The following CALN1 variants were observed in gnomAD, a reference collection of about 807,000 sequenced individuals.
CALN1 encodes calcium-binding protein 8.
Under a neutral mutation model 30.6 loss-of-function variants are expected in CALN1, and 17 were observed. The observed-to-expected ratio is 0.56, with a 90% CI of 0.38 to 0.83. The LOEUF (loss-of-function observed/expected upper bound fraction) is 0.83, where lower values mean the gene tolerates loss of function less well. Among genes scored for constraint, CALN1 ranks in the 40% least tolerant of loss-of-function variants. The pLI, the probability that CALN1 is intolerant of heterozygous loss-of-function variation, is 0.00. For synonymous variants in CALN1, 156 were observed against 131.4 expected, an observed-to-expected ratio of 1.19 and a Z score of -1.28; for missense variants, 291 against 354.9, an observed-to-expected ratio of 0.82 and a Z score of 1.45.
chr7:72,338,877 A>G (rs1802253288), intron 2 of CALN1, among the ~76,000 whole-genome samples: 1 of 151,954 alleles, frequency 6.6e-6, no homozygotes, highest in African/African-American at 2.4e-5. Context: ...GTGCTATCAA[A>G]TAATAGGTCT....
chr7:72,369,212 T>C (rs1804063798), intron 2 of CALN1, among the ~76,000 whole-genome samples: 1 of 151,540 alleles, frequency 6.6e-6, no homozygotes, highest in Admixed American at 6.6e-5. Context: ...GTTTTATACC[T>C]GTATACACCT....
intron 3 of CALN1, among the ~76,000 whole-genome samples, chr7:72,238,230 TAA>T (rs1364712649): frequency 6.6e-6 from 1 of 152,138 alleles, no homozygotes; most frequent in African/African-American, 2.4e-5. Flanking sequence ...ACATCAAAAT[TAA>T]GTTTTAATAT....
chr7:71,909,149 T>C (rs1794296074), intron 5 of CALN1, among the ~76,000 whole-genome samples: 1 of 152,166 alleles, frequency 6.6e-6, no homozygotes, highest in South Asian at 2.1e-4. Flanking sequence ...CCTGAGTAGC[T>C]GGGACAATAG....
intron 4 of CALN1, among the ~76,000 whole-genome samples, chr7:72,102,032 C>G (rs2129540845): frequency 6.6e-6 from 1 of 152,236 alleles, no homozygotes; most frequent in African/African-American, 2.4e-5. Flanking sequence ...TTTTTCAAAG[C>G]TTATTTTATT....
chr7:72,234,457 G>GT (rs1234065209), intron 3 of CALN1, among the ~76,000 whole-genome samples: 4 of 151,682 alleles, frequency 2.6e-5, no homozygotes, highest in Non-Finnish European at 5.9e-5. Context: ...TTGTTTTTTT[G>GT]TTTTTTTGAG....
intron 4 of CALN1, among the ~76,000 whole-genome samples, chr7:72,094,150 A>G (rs1039931842): frequency 6.6e-6 from 1 of 152,250 alleles, no homozygotes; most frequent in African/African-American, 2.4e-5. Flanking sequence ...GAATGAACAG[A>G]GAATTGCAAT....
intron 2 of CALN1, among the ~76,000 whole-genome samples, chr7:72,372,362 G>T (rs534577756): frequency 5.3e-5 from 8 of 152,062 alleles, no homozygotes; most frequent in Non-Finnish European, 8.8e-5. Context: ...TGTCTGCTTG[G>T]CCCCAACACA....
intron 2 of CALN1, among the ~76,000 whole-genome samples, chr7:72,335,222 T>C (rs1255651015): frequency 6.6e-6 from 1 of 152,172 alleles, no homozygotes; most frequent in East Asian, 1.9e-4. Context: ...GGAATGGGGC[T>C]TCTATGAAAA....
chr7:72,317,221 A>C, intron 2 of CALN1, among the ~76,000 whole-genome samples: 1 of 125,506 alleles, frequency 8.0e-6, no homozygotes, highest in Admixed American at 7.9e-5. Flanking sequence ...GGAAGAGAGA[A>C]AGAAAGAGAA....
intron 5 of CALN1, among the ~76,000 whole-genome samples, chr7:72,005,282 T>C (rs1027351298): frequency 2.0e-5 from 3 of 152,186 alleles, no homozygotes; most frequent in Non-Finnish European, 4.4e-5. Context: ...TTTCATACCA[T>C]GAAACAGTTC....
At chr7:72,376,019 T>C (rs571363278) in intron 2 of CALN1, among the ~76,000 whole-genome samples, 3 of 152,232 alleles carry the variant, frequency 2.0e-5, no homozygotes, top group Non-Finnish European at 4.4e-5. Flanking sequence ...CAGCCTTCTG[T>C]GTCCAGTTTC....
At chr7:72,442,668 C>T (rs987932432) in intron 1 of CALN1, among the ~76,000 whole-genome samples, 2 of 151,832 alleles carry the variant, frequency 1.3e-5, no homozygotes, top group Admixed American at 6.6e-5. Context: ...AAGGGTTGCA[C>T]TTATTTAAGA....
At chr7:72,282,720 T>A (rs1032537273) in intron 2 of CALN1, among the ~76,000 whole-genome samples, 3 of 152,180 alleles carry the variant, frequency 2.0e-5, no homozygotes, top group Non-Finnish European at 4.4e-5. Context: ...TAGTCTAAGG[T>A]ATTTGTTACA....
intron 4 of CALN1, among the ~76,000 whole-genome samples, chr7:72,067,960 C>A (rs1804137835): frequency 6.6e-6 from 1 of 152,218 alleles, no homozygotes; most frequent in Admixed American, 6.5e-5. Context: ...GTATCTGCTT[C>A]TGTGTGCTTT....
At chr7:72,082,114 G>A (rs1268635951) in intron 4 of CALN1, among the ~76,000 whole-genome samples, 1 of 152,094 alleles carries the variant, frequency 6.6e-6, no homozygotes, top group Non-Finnish European at 1.5e-5. Context: ...AGCCTCCCGA[G>A]TAGCTGGGAT....
intron 3 of CALN1, among the ~76,000 whole-genome samples, chr7:72,172,037 C>T (rs1352908562): frequency 1.3e-5 from 2 of 152,126 alleles, no homozygotes; most frequent in Admixed American, 1.3e-4. Context: ...ATCTGCTGGT[C>T]GTTTTGCAAT....
At chr7:72,355,105 C>T (rs1474917901) in intron 2 of CALN1, among the ~76,000 whole-genome samples, 2 of 152,076 alleles carry the variant, frequency 1.3e-5, no homozygotes, top group Admixed American at 1.3e-4. Flanking sequence ...GACAGACTCT[C>T]AGCATTTGCC....
chr7:72,480,190 A>G, the CALN1 span, among the ~76,000 whole-genome samples: 1 of 152,250 alleles, frequency 6.6e-6, no homozygotes, highest in Non-Finnish European at 1.5e-5. Flanking sequence ...GGAAACACAG[A>G]TGTTCTTTAT....
chr7:71,855,325 C>T (rs1409804110), intron 5 of CALN1, among the ~76,000 whole-genome samples: 2 of 152,136 alleles, frequency 1.3e-5, no homozygotes, highest in African/African-American at 2.4e-5. Context: ...CCAGGGGATG[C>T]TCTGGCTGAC....
Sources: allele counts gnomAD v4.1 joint callset (sites outside exome capture counted in the v4.1 genomes callset), GRCh38; gene constraint gnomAD v4.1.1; transcripts MANE v1.5; gene names NCBI Gene and HGNC (gene_info 2026-07-23, HGNC 2026-07-21).